The following CADPS2 variants were observed in gnomAD, a reference collection of about 807,000 sequenced individuals.
CADPS2 encodes calcium-dependent secretion activator 2.
CADPS2 carries 93 observed loss-of-function variants against 172.5 expected under a neutral mutation model. That is an observed-to-expected ratio of 0.54 (90% CI 0.46 to 0.64). The LOEUF is 0.64. Among genes scored for constraint, CADPS2 ranks in the 30% least tolerant of loss-of-function variants. CADPS2 has a pLI of 0.00. For missense variants in CADPS2, 1,420 were observed against 1,565.9 expected (o/e 0.91, Z 1.57); for synonymous variants, 546 against 555.2 (o/e 0.98, Z 0.23).
At chr7:122,835,024 A>G (rs1221580124) in intron 1 of CADPS2, among the ~76,000 whole-genome samples, 2 of 152,122 alleles carry the variant, frequency 1.3e-5, no homozygotes, top group Non-Finnish European at 2.9e-5. Flanking sequence ...CCTAATGGGG[A>G]GGCACCCCCC....
At chr7:122,420,215 C>A (rs2048382035) in intron 17 of CADPS2, among the ~76,000 whole-genome samples, 1 of 152,206 alleles carries the variant, frequency 6.6e-6, no homozygotes, top group Non-Finnish European at 1.5e-5. Flanking sequence ...CATTCCACAT[C>A]TTTAGCCACA....
At chr7:122,722,408 A>G (rs1399297827) in intron 2 of CADPS2, among the ~76,000 whole-genome samples, 1 of 137,808 alleles carries the variant, frequency 7.3e-6, no homozygotes, top group African/African-American at 3.6e-5. Flanking sequence ...ACAGACAAAC[A>G]GAGAGCCAAA....
intron 1 of CADPS2, among the ~76,000 whole-genome samples, chr7:122,803,927 G>C (rs116686323): frequency 2.1e-4 from 28 of 131,622 alleles, no homozygotes; most frequent in African/African-American, 7.6e-4. Context: ...AGGATCCCTA[G>C]TTTTGACCTG....
At chr7:122,602,278 A>G (rs2072900663) in intron 6 of CADPS2, among the ~76,000 whole-genome samples, 1 of 152,010 alleles carries the variant, frequency 6.6e-6, no homozygotes, top group Non-Finnish European at 1.5e-5. Context: ...ATACATTTAA[A>G]AATACATTTC....
chr7:122,512,123 A>G (rs1259728520), intron 9 of CADPS2, among the ~76,000 whole-genome samples: 1 of 152,160 alleles, frequency 6.6e-6, no homozygotes, highest in East Asian at 1.9e-4. Flanking sequence ...GTTGTTTGCC[A>G]TGTAGATAAA....
intron 8 of CADPS2, 142 bp downstream of exon 8, chr7:122,554,408 G>T: frequency 1.3e-6 from 1 of 767,170 alleles, no homozygotes; most frequent in Non-Finnish European, 2.0e-6. Context: ...AAAACATTGA[G>T]TAAGATAACT....
At chr7:122,645,363 AC>A in intron 3 of CADPS2, among the ~76,000 whole-genome samples, 1 of 106,016 alleles carries the variant, frequency 9.4e-6, no homozygotes, top group Non-Finnish European at 2.2e-5. Flanking sequence ...GTATACATGT[AC>A]ATGTATACAC....
At chr7:122,377,865 C>G (rs2042536768) in intron 25 of CADPS2, among the ~76,000 whole-genome samples, 1 of 151,998 alleles carries the variant, frequency 6.6e-6, no homozygotes, top group African/African-American at 2.4e-5. Flanking sequence ...TGGTGTGATT[C>G]TAACATCGTT....
intron 1 of CADPS2, among the ~76,000 whole-genome samples, chr7:122,760,897 G>C (rs1046779048): frequency 5.9e-5 from 9 of 151,720 alleles, no homozygotes; most frequent in African/African-American, 2.2e-4. Flanking sequence ...CACCAACATG[G>C]CACATGTATA....
intron 20 of CADPS2, among the ~76,000 whole-genome samples, chr7:122,395,698 C>T (rs1197039361): frequency 6.6e-6 from 1 of 152,186 alleles, no homozygotes; most frequent in African/African-American, 2.4e-5. Flanking sequence ...TCATTCTCTT[C>T]TTCCTCCTCC....
intron 16 of CADPS2, among the ~76,000 whole-genome samples, chr7:122,439,776 T>G (rs939306890): frequency 6.6e-6 from 1 of 152,304 alleles, no homozygotes; most frequent in South Asian, 2.1e-4. Context: ...AAAATATACA[T>G]GCACCATTAA....
Position 122,360,781 on chromosome 7 carries a change from T to C in CADPS2, c.3504+7A>G. On this transcript the variant is annotated splice_region_variant and intron_variant, in intron 27 of 29. Transcript: ENST00000449022. ...ACAGTTTTAAAAAGCAGATAAAAAATACTTACTGGAACATCAACATATTTT... is the reference window on the plus strand; with the variant it reads ...ACAGTTTTAAAAAGCAGATAAAAAACACTTACTGGAACATCAACATATTTT... 1 of 1,549,966 alleles carries C rather than the reference T, an allele frequency of 6.5e-7. No homozygotes were observed. The highest frequency in any genetic ancestry group is 8.7e-7 in the Non-Finnish European group (1 of 1,148,164).
intron 6 of CADPS2, among the ~76,000 whole-genome samples, chr7:122,588,832 T>C (rs1198239112): frequency 1.3e-5 from 2 of 151,916 alleles, no homozygotes; most frequent in Admixed American, 1.3e-4. Context: ...AGAAGGTAGA[T>C]GGGCACCTCC....
chr7:122,795,044 A>G (rs1796075645), intron 1 of CADPS2, among the ~76,000 whole-genome samples: 1 of 152,214 alleles, frequency 6.6e-6, no homozygotes, highest in East Asian at 1.9e-4. Flanking sequence ...ATAACCTCAC[A>G]TCACAACTGA....
chr7:122,512,071 A>T (rs531440391), intron 9 of CADPS2, among the ~76,000 whole-genome samples: 1 of 152,242 alleles, frequency 6.6e-6, no homozygotes, highest in Non-Finnish European at 1.5e-5. Flanking sequence ...CTAATCATGT[A>T]AGAAGAGGTT....
At position 122,662,402 on chromosome 7, in the gene CADPS2, A is replaced by G. The variant is rs1175022595; in HGVS notation, c.786+835T>C. Among the ~76,000 whole-genome samples, 3 of 133,820 alleles carry G rather than the reference A, an allele frequency of 2.2e-5. No individual in the cohort carries two copies. The East Asian group carries it at 6.7e-4, about 30-fold the overall frequency. The allele number at this position is 133,820 out of a possible 152,430, so 87.8% of individuals were successfully genotyped here. A position where few individuals can be genotyped will look rare whatever the true frequency, so the allele number is the denominator to read the frequency against. ...TTTTTTTTTTTTTTTTTTTAAGACGAGTCTTACTTTGTCACCAGGCTGGAG... is the reference window on the plus strand; with the variant it reads ...TTTTTTTTTTTTTTTTTTTAAGACGGGTCTTACTTTGTCACCAGGCTGGAG... On this transcript the variant is annotated intron_variant, in intron 3 of 29. Transcript: ENST00000449022.
At chr7:122,709,068 C>A (rs938391182) in intron 2 of CADPS2, among the ~76,000 whole-genome samples, 1 of 152,014 alleles carries the variant, frequency 6.6e-6, no homozygotes, top group Non-Finnish European at 1.5e-5. Context: ...ATATACCAAG[C>A]AGATTCCTTT....
At chr7:122,508,556 C>G (rs576300900) in intron 9 of CADPS2, among the ~76,000 whole-genome samples, 92 of 146,090 alleles carry the variant, frequency 6.3e-4, no homozygotes, top group Non-Finnish European at 1.2e-3. Context: ...CCTTGAACTC[C>G]TGGCCTCAAG....
At chr7:122,664,791 TTTC>T (rs1206387274) in intron 2 of CADPS2, among the ~76,000 whole-genome samples, 2 of 152,086 alleles carry the variant, frequency 1.3e-5, no homozygotes, top group Admixed American at 1.3e-4. Context: ...TCAACTTTTT[TTTC>T]TTTTTTTTGA....
Sources: gnomAD v4.1 joint callset for allele counts (sites outside exome capture counted in the v4.1 genomes callset) on GRCh38, gnomAD v4.1.1 for gene constraint, MANE v1.5 for transcripts, NCBI Gene and HGNC (gene_info 2026-07-23, HGNC 2026-07-21) for gene names.